Variants in VEGFC observed in about 807,000 individuals in gnomAD.
The protein encoded by VEGFC is FLT4 ligand DHM.
Under a neutral mutation model 46.1 loss-of-function variants are expected in VEGFC, and 12 were observed. The observed-to-expected ratio is 0.26, with a 90% CI of 0.17 to 0.42. The LOEUF (loss-of-function observed/expected upper bound fraction) is 0.42. Among genes scored for constraint, VEGFC ranks in the 10% least tolerant of loss-of-function variants. VEGFC has a pLI of 1.00. For missense variants in VEGFC, 488 were observed against 529.4 expected (o/e 0.92, Z 0.77); for synonymous variants, 232 against 195.5 (o/e 1.19, Z -1.56).
chr4:176,694,775 C>T (rs1734277537), intron 4 of VEGFC, among the ~76,000 whole-genome samples: 1 of 142,422 alleles, frequency 7.0e-6, no homozygotes, highest in East Asian at 2.0e-4. Context: ...TTATAACAAA[C>T]TATCTCTCAG....
intron 3 of VEGFC, among the ~76,000 whole-genome samples, chr4:176,720,812 C>T (rs1189669160): frequency 2.0e-5 from 3 of 150,018 alleles, no homozygotes; most frequent in Non-Finnish European, 4.4e-5. Flanking sequence ...CTGCACTCCC[C>T]CACCTGGGCA....
chr4:176,792,258 C>T lies in VEGFC; in HGVS notation c.54G>A (p.Leu18=). The T allele has an allele frequency of 6.4e-7, 1 of 1,558,200 alleles. No homozygotes were observed. The highest frequency in any genetic ancestry group is 8.7e-7 in the Non-Finnish European group (1 of 1,154,318). The change falls in exon 1 of 7, where the codon CTG becomes CTA. Residue 18 remains leucine, a synonymous_variant. Coordinates refer to ENST00000618562, the MANE Select transcript of VEGFC (RefSeq NM_005429.5). The surrounding 1 kb of genome is among the most constrained non-coding windows in gnomAD (Gnocchi z 6.3). The part of the protein sequence containing the change: ...SVACSLLAAA[L]LPGPREAPAA... ...CGGGCGCCTCGCGAGGACCCGGGAG[C>T]AGCGCAGCGGCGAGCAGAGAACACG...
intron 1 of VEGFC, among the ~76,000 whole-genome samples, chr4:176,768,329 C>T (rs1735664173): frequency 6.6e-6 from 1 of 151,674 alleles, no homozygotes; most frequent in Non-Finnish European, 1.5e-5. Flanking sequence ...GGACAGTGGG[C>T]TGAGCCCTGA....
chr4:176,696,759 A>G (rs1734321416), intron 4 of VEGFC, among the ~76,000 whole-genome samples: 1 of 152,144 alleles, frequency 6.6e-6, no homozygotes, highest in African/African-American at 2.4e-5. Context: ...AGTAACCAAA[A>G]CAGCATGGTA....
chr4:176,751,135 A>T (rs1735335647), intron 1 of VEGFC, among the ~76,000 whole-genome samples: 1 of 151,900 alleles, frequency 6.6e-6, no homozygotes, highest in Non-Finnish European at 1.5e-5. Flanking sequence ...TACTTAAACA[A>T]TCTAAAAGGA....
rs1437724013 is a variant in VEGFC at position 176,716,337 on chromosome 4, G to A, written c.553-4687C>T. On this transcript the variant is annotated intron_variant, in intron 3 of 6. Coordinates refer to ENST00000618562, the MANE Select transcript of VEGFC (RefSeq NM_005429.5). ...CACGCCTGTAACCCCAGCACTTTGGGAGGCTGAGGTGGGAGGATCACTTGA... is the reference window on the plus strand; with the variant it reads ...CACGCCTGTAACCCCAGCACTTTGGAAGGCTGAGGTGGGAGGATCACTTGA... 2.6e-5 allele frequency among the ~76,000 whole-genome samples: 4 copies of A among 152,134 alleles called. No individual in the cohort carries two copies. In the East Asian group the frequency reaches 7.8e-4, roughly 29 times the overall value.
intron 4 of VEGFC, among the ~76,000 whole-genome samples, chr4:176,690,969 G>A (rs1268309740): frequency 2.0e-5 from 3 of 152,072 alleles, no homozygotes; most frequent in Non-Finnish European, 2.9e-5. Context: ...TCAATGACAT[G>A]GGCTCAGAAA....
chr4:176,767,861 T>G (rs1010486517), intron 1 of VEGFC, among the ~76,000 whole-genome samples: 6 of 152,246 alleles, frequency 3.9e-5, no homozygotes, highest in African/African-American at 4.8e-5. Context: ...GTGAGACTGG[T>G]AAACAGAACG....
intron 1 of VEGFC, among the ~76,000 whole-genome samples, chr4:176,739,288 C>T (rs1735114715): frequency 6.6e-6 from 1 of 150,704 alleles, no homozygotes; most frequent in Admixed American, 6.7e-5. Context: ...CTTGACCCTG[C>T]AATCCCATTA....
intron 3 of VEGFC, 29 bp from the exon 4 acceptor site, chr4:176,711,679 A>C (rs1289634306): frequency 1.9e-6 from 3 of 1,609,312 alleles, no homozygotes; most frequent in African/African-American, 2.7e-5. Flanking sequence ...AAGAAGAAAA[A>C]ATTATATAGA....
At chr4:176,732,468 G>A (rs1734984520) in intron 1 of VEGFC, among the ~76,000 whole-genome samples, 1 of 151,816 alleles carries the variant, frequency 6.6e-6, no homozygotes, top group Non-Finnish European at 1.5e-5. Context: ...TTGGTTTGAG[G>A]AACCTGAGTA....
chr4:176,711,137 T>C (rs541725348), intron 4 of VEGFC, among the ~76,000 whole-genome samples: 19 of 152,162 alleles, frequency 1.2e-4, no homozygotes, highest in Non-Finnish European at 2.4e-4. Flanking sequence ...TAAAATCTTA[T>C]CAAGGCTGAA....
chr4:176,771,666 G>C (rs1357328943), intron 1 of VEGFC, among the ~76,000 whole-genome samples: 1 of 152,166 alleles, frequency 6.6e-6, no homozygotes, highest in Non-Finnish European at 1.5e-5. Context: ...TAAGGTTCTT[G>C]TTATCTGGTA....
intron 4 of VEGFC, 34 bp from the exon 5 acceptor site, chr4:176,687,961 G>A: frequency 1.5e-6 from 2 of 1,337,470 alleles, no homozygotes; most frequent in African/African-American, 1.5e-5. Flanking sequence ...TAGCAATGGT[G>A]TAACTGGTAC....
intron 4 of VEGFC, chr4:176,705,808 A>T (rs1288531851): frequency 6.6e-6 from 1 of 152,216 alleles, no homozygotes; most frequent in East Asian, 1.9e-4. Flanking sequence ...AATATGGTAT[A>T]ATGCTATTGA....
intron 1 of VEGFC, among the ~76,000 whole-genome samples, chr4:176,790,686 A>G (rs1485992985): frequency 6.6e-6 from 1 of 152,192 alleles, no homozygotes; most frequent in African/African-American, 2.4e-5. Flanking sequence ...GACCGTAACC[A>G]ATACAGAGAT....
At chr4:176,752,273 C>A (rs554270552) in intron 1 of VEGFC, among the ~76,000 whole-genome samples, 1 of 152,018 alleles carries the variant, frequency 6.6e-6, no homozygotes, top group East Asian at 1.9e-4. Context: ...CTGAAAGGTG[C>A]TAGGAAACAG....
chr4:176,736,956 C>T (rs1735064839), intron 1 of VEGFC, among the ~76,000 whole-genome samples: 1 of 151,108 alleles, frequency 6.6e-6, no homozygotes, highest in Admixed American at 6.6e-5. Flanking sequence ...AAGTAATGAT[C>T]CTTCCAGTTC....
rs1037510012 is a variant in VEGFC at position 176,791,313 on chromosome 4, G to A, written c.147+852C>T. ...AGCATACTCTATATGGTTATGGCAG[G>A]TATGAACTTTTTAGATAAAGATATA... On this transcript the variant is annotated intron_variant, in intron 1 of 6. Coordinates refer to ENST00000618562, the MANE Select transcript of VEGFC (RefSeq NM_005429.5). 7.9e-5 allele frequency among the ~76,000 whole-genome samples: 12 copies of A among 152,194 alleles called. 1 individual carries two copies. The highest frequency in any genetic ancestry group is 7.2e-4 in the Admixed American group (11 of 15,294).
Sources: allele counts gnomAD v4.1 joint callset (sites outside exome capture counted in the v4.1 genomes callset), GRCh38; gene constraint gnomAD v4.1.1; non-coding constraint Gnocchi (gnomAD v3.1); transcripts MANE v1.5; gene names NCBI Gene and HGNC (gene_info 2026-07-23, HGNC 2026-07-21).